The following ROCK1 variants were observed in gnomAD, a reference collection of about 807,000 sequenced individuals.
The protein encoded by ROCK1 is rho-associated protein kinase 1.
Under a neutral mutation model 196.8 loss-of-function variants are expected in ROCK1, and 36 were observed. The observed-to-expected ratio is 0.18, with a 90% CI of 0.14 to 0.24. The LOEUF is 0.24. Ranked by LOEUF, ROCK1 falls within the 10% of genes least tolerant of loss-of-function variation. ROCK1 has a pLI of 1.00. For missense variants in ROCK1, 920 were observed against 1,562.0 expected, an observed-to-expected ratio of 0.59 and a Z score of 6.93; for synonymous variants, 443 against 515.9, an observed-to-expected ratio of 0.86 and a Z score of 1.91.
chr18:20,971,048 C>T (rs1170085550), intron 22 of ROCK1, among the ~76,000 whole-genome samples: 1 of 152,090 alleles, frequency 6.6e-6, no homozygotes, highest in African/African-American at 2.4e-5. Flanking sequence ...TCACTACAAA[C>T]TAATCTGAGA....
chr18:21,011,181 G>C (rs573075070), intron 13 of ROCK1, among the ~76,000 whole-genome samples: 43 of 152,202 alleles, frequency 2.8e-4, no homozygotes, highest in African/African-American at 1.0e-3. Context: ...TTGGTAGTAT[G>C]TTAGGGTTAA....
intron 32 of ROCK1, among the ~76,000 whole-genome samples, chr18:20,953,136 T>C (rs972009368): frequency 1.3e-5 from 2 of 151,684 alleles, no homozygotes; most frequent in African/African-American, 2.4e-5. Context: ...TAAAAAAACA[T>C]AGTCACTGAT....
At chr18:21,031,637 A>T (rs1472053194) in intron 9 of ROCK1, among the ~76,000 whole-genome samples, 10 of 150,580 alleles carry the variant, frequency 6.6e-5, no homozygotes, top group African/African-American at 1.9e-4. Context: ...AAAATAATAT[A>T]GAAACCACCT....
Position 21,072,229 on chromosome 18 carries a change from A to C in ROCK1, c.94-1616T>G, listed in dbSNP as rs144336230. ...TGAGCTGCCTCCACTAATTACATAT[A>C]GTCACTAAGTGTTTGGACCTGGTAC... On this transcript the variant is annotated intron_variant, in intron 1 of 32. Transcript: ENST00000399799. 6.7e-3 allele frequency among the ~76,000 whole-genome samples: 1,024 copies of C among 152,324 alleles called. 5 individuals carry two copies. The highest frequency in any genetic ancestry group is 0.011 in the Non-Finnish European group (726 of 68,028).
chr18:21,008,228 T>TTAA (rs2035785129), intron 13 of ROCK1, 34 bp from the exon 14 acceptor site: 1 of 1,478,038 alleles, frequency 6.8e-7, no homozygotes, highest in Non-Finnish European at 9.1e-7. Context: ...ACCACTGTGA[T>TTAA]TAATACTCTG....
At chr18:21,003,473 A>G (rs984285906) in intron 16 of ROCK1, among the ~76,000 whole-genome samples, 6 of 152,180 alleles carry the variant, frequency 3.9e-5, no homozygotes, top group Non-Finnish European at 8.8e-5. Context: ...CCTATTTTCT[A>G]CCTTTGATAA....
intron 22 of ROCK1, among the ~76,000 whole-genome samples, chr18:20,976,883 C>T (rs2035485777): frequency 6.6e-6 from 1 of 152,182 alleles, no homozygotes; most frequent in Non-Finnish European, 1.5e-5. Flanking sequence ...CAGGGACCAG[C>T]ACTACCATCA....
intron 12 of ROCK1, among the ~76,000 whole-genome samples, chr18:21,016,027 A>T (rs1437825355): frequency 1.3e-5 from 2 of 151,912 alleles, no homozygotes; most frequent in African/African-American, 4.8e-5. Flanking sequence ...AATAAACTTT[A>T]AAAAAATATG....
At chr18:20,965,394 TACATACATATATAC>T (rs1568369248) in intron 27 of ROCK1, among the ~76,000 whole-genome samples, 31 of 137,824 alleles carry the variant, frequency 2.2e-4, no homozygotes, top group Middle Eastern at 3.8e-3. Context: ...CATACATACA[TACATACATATATAC>T]ATACATACAT....
intron 1 of ROCK1, among the ~76,000 whole-genome samples, chr18:21,090,991 T>C (rs1205808847): frequency 6.6e-6 from 1 of 152,218 alleles, no homozygotes; most frequent in East Asian, 1.9e-4. Context: ...TCTGTTTTTC[T>C]GTAACAGTTG....
rs773355881 is a variant in ROCK1, at chr18:20,969,225, A to C, written c.2821-17T>G. 9 of 1,514,822 alleles carry C rather than the reference A, an allele frequency of 5.9e-6. No homozygotes were observed. The Admixed American group carries it at 1.5e-4, about 26-fold the overall frequency. 93.8% of individuals were successfully genotyped at this position (1,514,822 alleles called of 1,614,324 possible). On this transcript the variant is annotated splice_polypyrimidine_tract_variant and intron_variant, in intron 23 of 32. Transcript: ENST00000399799. ...TTCTTCAAGCTAAACAAAGCACACA[A>C]AAGTTTAAGCTCCAGCCTCTTTGCT...
In ROCK1 at chr18:20,982,787, C is replaced by A; in HGVS notation, c.2535G>T (p.Gln845His). Reference sequence around the variant, plus strand: ...CCGAGAAATATTGCTCAGCTTCAAGCTGATCTTGTAGCTCCCGCATCTGTC... The same window carrying A: ...CCGAGAAATATTGCTCAGCTTCAAGATGATCTTGTAGCTCCCGCATCTGTC... ...NEGQMRELQD[Q>H]LEAEQYFSTL... The change falls in exon 21 of 33, where the codon CAG becomes CAT. Residue 845 changes from glutamine (Q) to histidine (H), a missense_variant. Gln to His is a conservative substitution (Grantham distance 24, BLOSUM62 0). Transcript: ENST00000399799. 6.3e-7 allele frequency: 1 copy of A among 1,577,164 alleles called. No individual in the cohort carries two copies. The highest frequency in any genetic ancestry group is 8.7e-7 in the Non-Finnish European group (1 of 1,147,562).
chr18:21,030,907 A>C (rs2143482499), intron 9 of ROCK1, among the ~76,000 whole-genome samples: 1 of 152,320 alleles, frequency 6.6e-6, no homozygotes. Flanking sequence ...GACCAGAGCA[A>C]CTTTCTGAGA....
At position 20,986,267 on chromosome 18, in the gene ROCK1, TC is replaced by T. The variant is rs2035577549; in HGVS notation, c.2304+682del. On this transcript the variant is annotated intron_variant, in intron 19 of 32. Transcript: ENST00000399799. ...TCAAAAAGTTAAAGTTCTATCAAGT[TC>T]CTTTTTATGCCTTCCTTATGCATCT... Among the ~76,000 whole-genome samples, 3 of 152,292 alleles carry T rather than the reference TC, an allele frequency of 2.0e-5. No individual in the cohort carries two copies. In the South Asian group the frequency reaches 6.2e-4, roughly 32 times the overall value.
At chr18:21,077,263 G>A (rs1282777867) in intron 1 of ROCK1, among the ~76,000 whole-genome samples, 1 of 152,048 alleles carries the variant, frequency 6.6e-6, no homozygotes, top group African/African-American at 2.4e-5. Context: ...GTGAGCCACC[G>A]CGCCCGGCCA....
Position 21,025,807 on chromosome 18 carries a change from A to G in ROCK1, c.1212-2127T>C, listed in dbSNP as rs1381323150. 4.6e-5 allele frequency among the ~76,000 whole-genome samples: 7 copies of G among 152,284 alleles called. No homozygotes were observed. The East Asian group carries it at 1.3e-3, about 29-fold the overall frequency. ...CCGTACCTTTGCCTGTTCAGGTAGT[A>G]AGTGATTACTTAAAAAATACTATAT... is the stretch of plus-strand genomic sequence containing the variant. On this transcript the variant is annotated intron_variant, in intron 10 of 32. Transcript: ENST00000399799.
chr18:20,976,271 C>T (rs1193491868), intron 22 of ROCK1, among the ~76,000 whole-genome samples: 2 of 152,156 alleles, frequency 1.3e-5, no homozygotes, highest in Non-Finnish European at 2.9e-5. Flanking sequence ...ATTCAATAAT[C>T]AATAATTCCA....
chr18:21,065,179 G>A (rs1374394129), intron 2 of ROCK1, among the ~76,000 whole-genome samples: 1 of 152,114 alleles, frequency 6.6e-6, no homozygotes, highest in Admixed American at 6.5e-5. Flanking sequence ...AATGATCATC[G>A]CTTTTGATCA....
intron 1 of ROCK1, among the ~76,000 whole-genome samples, chr18:21,078,554 T>G (rs2036455940): frequency 1.3e-5 from 2 of 152,116 alleles, no homozygotes; most frequent in South Asian, 4.1e-4. Flanking sequence ...GTTTGAGCTC[T>G]GGGACCCATC....
Sources: gnomAD v4.1 joint callset for allele counts (sites outside exome capture counted in the v4.1 genomes callset) on GRCh38, gnomAD v4.1.1 for gene constraint, MANE v1.5 for transcripts, NCBI Gene and HGNC (gene_info 2026-07-23, HGNC 2026-07-21) for gene names.